HS3ST3B1: variants seen among roughly 807,000 people sequenced by gnomAD.
The protein encoded by HS3ST3B1 is heparan sulfate-glucosamine 3-sulfotransferase 3B1.
A neutral mutation model predicts 21.3 loss-of-function variants in HS3ST3B1; 13 were observed. The observed-to-expected ratio is 0.61, with a 90% CI of 0.40 to 0.97. HS3ST3B1 has a LOEUF of 0.97. Among genes scored for constraint, HS3ST3B1 ranks in the 50% least tolerant of loss-of-function variants. The probability of loss-of-function intolerance (pLI) is 0.00; values close to 1 mark genes in which losing one functional copy is unlikely to be tolerated. For missense variants in HS3ST3B1, 459 were observed against 554.8 expected, an observed-to-expected ratio of 0.83 and a Z score of 1.73; for synonymous variants, 234 against 254.8, an observed-to-expected ratio of 0.92 and a Z score of 0.78.
At chr17:14,320,588 G>T (rs1366975980) in intron 1 of HS3ST3B1, among the ~76,000 whole-genome samples, 2 of 152,052 alleles carry the variant, frequency 1.3e-5, no homozygotes, top group Non-Finnish European at 2.9e-5. Context: ...AGTGGGAATT[G>T]TCAGATGCTG....
At chr17:14,332,894 T>C (rs1021376871) in intron 1 of HS3ST3B1, among the ~76,000 whole-genome samples, 5 of 150,068 alleles carry the variant, frequency 3.3e-5, no homozygotes, top group Non-Finnish European at 7.4e-5. Context: ...CAAATCTCAG[T>C]TGTAAAACTG....
At chr17:14,311,667 C>CA (rs1455517140) in intron 1 of HS3ST3B1, among the ~76,000 whole-genome samples, 1 of 152,126 alleles carries the variant, frequency 6.6e-6, no homozygotes, top group Non-Finnish European at 1.5e-5. Context: ...TTTACCACCT[C>CA]AAAAATCCCG....
At chr17:14,321,379 C>T (rs1188825606) in intron 1 of HS3ST3B1, among the ~76,000 whole-genome samples, 1 of 152,162 alleles carries the variant, frequency 6.6e-6, no homozygotes. Flanking sequence ...CTTGTTTAGC[C>T]TGGCGCAGCT....
chr17:14,305,415 T>C (rs112708858), intron 1 of HS3ST3B1: 1 of 152,228 alleles, frequency 6.6e-6, no homozygotes. Context: ...ATTTCACATA[T>C]GCTAAGATGG....
intron 1 of HS3ST3B1, among the ~76,000 whole-genome samples, chr17:14,340,646 G>A (rs371237150): frequency 2.6e-5 from 4 of 152,018 alleles, no homozygotes; most frequent in African/African-American, 4.8e-5. Flanking sequence ...GCAGTGGCGC[G>A]ATCTCAGCTC....
At chr17:14,311,237 T>TAAA (rs5819469) in intron 1 of HS3ST3B1, among the ~76,000 whole-genome samples, 20 of 130,796 alleles carry the variant, frequency 1.5e-4, no homozygotes, top group African/African-American at 5.0e-4. Context: ...CCTGGCTAAT[T>TAAA]AAAAAAAAAA....
chr17:14,318,391 C>G (rs1567638629), intron 1 of HS3ST3B1, among the ~76,000 whole-genome samples: 1 of 152,296 alleles, frequency 6.6e-6, no homozygotes, highest in African/African-American at 2.4e-5. Context: ...CTCAACCAGG[C>G]AGGGTTGGGG....
intron 1 of HS3ST3B1, among the ~76,000 whole-genome samples, chr17:14,315,206 C>G (rs1909458861): frequency 6.6e-6 from 1 of 152,082 alleles, no homozygotes; most frequent in Non-Finnish European, 1.5e-5. Flanking sequence ...GAAATTGGAC[C>G]CAGCAGTGTT....
rs560130802 is a variant in HS3ST3B1, at chr17:14,314,459, G to A, written c.554+12387G>A. ...ACCTCTGTATCCCCTTCTGGTTACC[G>A]TCCCCATCCCGAGGACAACCACTAT... On this transcript the variant is annotated intron_variant, in intron 1 of 1. Coordinates refer to ENST00000360954, the MANE Select transcript of HS3ST3B1 (RefSeq NM_006041.3). 4.6e-5 allele frequency among the ~76,000 whole-genome samples: 7 copies of A among 152,290 alleles called. No individual in the cohort carries two copies. The East Asian group carries it at 5.8e-4, about 13-fold the overall frequency.
intron 1 of HS3ST3B1, among the ~76,000 whole-genome samples, chr17:14,316,485 C>T (rs928128352): frequency 4.6e-5 from 7 of 152,082 alleles, no homozygotes; most frequent in Admixed American, 2.6e-4. Flanking sequence ...TGTTCTGTGT[C>T]GGTGGTGTTT....
chr17:14,329,468 AAGAAAG>A (rs1909931483), intron 1 of HS3ST3B1: 2 of 151,414 alleles, frequency 1.3e-5, no homozygotes, highest in East Asian at 3.9e-4. Flanking sequence ...GAGAGAGAGA[AAGAAAG>A]AAAAAGAAAG....
chr17:14,308,469 T>C (rs1365244261), intron 1 of HS3ST3B1, among the ~76,000 whole-genome samples: 3 of 152,246 alleles, frequency 2.0e-5, no homozygotes, highest in African/African-American at 7.2e-5. Flanking sequence ...ATGTACTTCA[T>C]TGTGTCATGG....
intron 1 of HS3ST3B1, among the ~76,000 whole-genome samples, chr17:14,311,501 T>C (rs886113305): frequency 1.3e-5 from 2 of 152,164 alleles, no homozygotes; most frequent in African/African-American, 4.8e-5. Flanking sequence ...TCTACCAGAC[T>C]GGCACATTTG....
intron 1 of HS3ST3B1, among the ~76,000 whole-genome samples, chr17:14,335,745 T>A (rs1774985106): frequency 6.6e-6 from 1 of 151,900 alleles, no homozygotes; most frequent in Non-Finnish European, 1.5e-5. Context: ...GATTCTTTCA[T>A]GTCAATCAAT....
chr17:14,312,607 T>G (rs1487590117), intron 1 of HS3ST3B1, among the ~76,000 whole-genome samples: 1 of 152,152 alleles, frequency 6.6e-6, no homozygotes, highest in Non-Finnish European at 1.5e-5. Context: ...AGCACTTTCC[T>G]GCCATCCCTG....
chr17:14,334,692 A>G (rs1030732244), intron 1 of HS3ST3B1, among the ~76,000 whole-genome samples: 3 of 152,190 alleles, frequency 2.0e-5, no homozygotes, highest in African/African-American at 7.2e-5. Flanking sequence ...ATGGGTTTGG[A>G]CATACGTATA....
At chr17:14,342,288 G>A (rs1047555325) in intron 1 of HS3ST3B1, among the ~76,000 whole-genome samples, 1 of 152,084 alleles carries the variant, frequency 6.6e-6, no homozygotes, top group Non-Finnish European at 1.5e-5. Context: ...GCAGGAATCA[G>A]TTGGAAATCT....
chr17:14,334,192 T>C (rs1910116612), intron 1 of HS3ST3B1, among the ~76,000 whole-genome samples: 2 of 151,834 alleles, frequency 1.3e-5, no homozygotes, highest in South Asian at 4.1e-4. Flanking sequence ...AGTTGAGGCG[T>C]AGTTGAAAAG....
intron 1 of HS3ST3B1, among the ~76,000 whole-genome samples, chr17:14,308,736 C>T (rs1400061999): frequency 6.6e-6 from 1 of 152,118 alleles, no homozygotes; most frequent in Non-Finnish European, 1.5e-5. Flanking sequence ...GTGTTTCAGC[C>T]CAGACTCTCT....
Sources: gnomAD v4.1 joint callset for allele counts (sites outside exome capture counted in the v4.1 genomes callset) on GRCh38, gnomAD v4.1.1 for gene constraint, MANE v1.5 for transcripts, NCBI Gene and HGNC (gene_info 2026-07-23, HGNC 2026-07-21) for gene names.